WDR33: variants seen among roughly 807,000 people sequenced by gnomAD.
The protein encoded by WDR33 is WD repeat domain 33, also known as pre-mRNA 3' end processing protein WDR33.
In WDR33, 47 loss-of-function variants were observed where a neutral mutation model predicts 164.9. The ratio of observed to expected loss-of-function variants is 0.29; its 90% CI spans 0.23 to 0.36. WDR33 has a LOEUF of 0.36. Among genes scored for constraint, WDR33 ranks in the 10% least tolerant of loss-of-function variants. The pLI, the probability that WDR33 is intolerant of heterozygous loss-of-function variation, is 1.00. For synonymous variants in WDR33, 505 were observed against 589.0 expected, an observed-to-expected ratio of 0.86 and a Z score of 2.06; for missense variants, 1,137 against 1,754.1, an observed-to-expected ratio of 0.65 and a Z score of 6.28.
In WDR33 at chr2:127,709,370, C is replaced by T; in HGVS notation, c.3565+120G>A. The T allele has an allele frequency of 1.0e-6, 1 of 962,318 alleles. No individual in the cohort carries two copies. Among genetic ancestry groups the T allele is most frequent in the Non-Finnish European group, 1.6e-6 (1 of 618,332 alleles). The allele number at this position is 962,318 out of a possible 1,614,324, so 59.6% of individuals were successfully genotyped here. ...CTGCGGCTGCAGGACAGGAGACAGC[C>T]CAGCCCCCCGGGAGACATGAGCTGG... On this transcript the variant is annotated intron_variant, in intron 20 of 21. Transcript: ENST00000322313. This position sits in a 1 kb window ranked among gnomAD's most constrained non-coding sequence, Gnocchi z 5.0.
At chr2:127,765,064 G>A (rs565066436) in intron 5 of WDR33, 85 bp from the exon 6 acceptor site, 19 of 1,558,046 alleles carry the variant, frequency 1.2e-5, no homozygotes, top group African/African-American at 2.7e-5. Context: ...TAACTGACTC[G>A]AGGTAATAAT....
chr2:127,711,628 C>T (rs1686164956), intron 18 of WDR33, among the ~76,000 whole-genome samples: 1 of 149,458 alleles, frequency 6.7e-6, no homozygotes, highest in African/African-American at 2.5e-5. Context: ...CCCTATCTCC[C>T]CTCCCCCAAA....
intron 21 of WDR33, among the ~76,000 whole-genome samples, chr2:127,707,829 C>T (rs1686056351): frequency 6.6e-6 from 1 of 152,202 alleles, no homozygotes; most frequent in Admixed American, 6.5e-5. Flanking sequence ...GTGGCGCACA[C>T]CTGTAGTTCC....
Position 127,723,178 on chromosome 2 carries a change from T to A in WDR33, c.1291+75A>T. The A allele has an allele frequency of 6.8e-7, 1 of 1,472,006 alleles. No homozygotes were observed. Among genetic ancestry groups the A allele is most frequent in the Non-Finnish European group, 9.3e-7 (1 of 1,076,910 alleles). The allele number at this position is 1,472,006 out of a possible 1,614,324, so 91.2% of individuals were successfully genotyped here. On this transcript the variant is annotated intron_variant, in intron 12 of 21. Transcript: ENST00000322313. The surrounding 1 kb of genome is among the most constrained non-coding windows in gnomAD (Gnocchi z 5.9). Reference sequence around the variant, plus strand: ...CTATAAAATTAAAATTCATTTTGTATAATCTTCCCAACATCTAACACTTCT... The same window carrying A: ...CTATAAAATTAAAATTCATTTTGTAAAATCTTCCCAACATCTAACACTTCT...
At chr2:127,742,920 CAG>C (rs922390275) in intron 7 of WDR33, among the ~76,000 whole-genome samples, 11 of 147,136 alleles carry the variant, frequency 7.5e-5, no homozygotes, top group African/African-American at 2.7e-4. Flanking sequence ...AGAAAACATT[CAG>C]AGAGGAAAGT....
intron 1 of WDR33, among the ~76,000 whole-genome samples, chr2:127,781,376 A>G (rs565811614): frequency 6.6e-6 from 1 of 152,298 alleles, no homozygotes; most frequent in African/African-American, 2.4e-5. Flanking sequence ...ATAAACTGTT[A>G]ATATCTTGAT....
intron 1 of WDR33, among the ~76,000 whole-genome samples, chr2:127,796,658 G>A (rs918791762): frequency 6.6e-6 from 1 of 151,718 alleles, no homozygotes; most frequent in African/African-American, 2.4e-5. Flanking sequence ...TTCATTACAT[G>A]CTTTTTTATT....
intron 7 of WDR33, among the ~76,000 whole-genome samples, chr2:127,758,739 T>G (rs1010453479): frequency 6.6e-6 from 1 of 152,256 alleles, no homozygotes. Flanking sequence ...CTGCCAGTAG[T>G]TAAGTGATCT....
Position 127,701,573 on chromosome 2 carries a change from G to T in WDR33, c.*4750C>A. 7.3e-7 allele frequency: 1 copy of T among 1,364,962 alleles called. No homozygotes were observed. Among genetic ancestry groups the T allele is most frequent in the East Asian group, 3.0e-5 (1 of 33,232 alleles). 84.6% of individuals were successfully genotyped at this position (1,364,962 alleles called of 1,614,324 possible). A position where few individuals can be genotyped will look rare whatever the true frequency, so the allele number is the denominator to read the frequency against. ...AGCTGCAGGAGTACCTGGCGCAGGG[G>T]AAAGCTGGCGGCCCGGCGGCCGCGG... On this transcript the variant is annotated 3_prime_UTR_variant, in exon 22 of 22. Coordinates refer to ENST00000322313, the MANE Select transcript of WDR33 (RefSeq NM_018383.5).
chr2:127,706,894 C>T lies in WDR33; in HGVS notation c.3782-342G>A, dbSNP rs917475490. On this transcript the variant is annotated intron_variant, in intron 21 of 21. Transcript: ENST00000322313. The surrounding 1 kb of genome is among the most constrained non-coding windows in gnomAD (Gnocchi z 5.1). ...GCCATGGGAAGTGTATCTGCCTGCT[C>T]CCAGCCACCAGGGTATATTGAGGGA... Among the ~76,000 whole-genome samples, 8 of 152,332 alleles carry T rather than the reference C, an allele frequency of 5.3e-5. No individual in the cohort carries two copies. The highest frequency in any genetic ancestry group is 2.1e-4 in the South Asian group (1 of 4,830).
At chr2:127,727,140 C>T (rs1482890840) in intron 7 of WDR33, among the ~76,000 whole-genome samples, 1 of 152,210 alleles carries the variant, frequency 6.6e-6, no homozygotes, top group Non-Finnish European at 1.5e-5. Context: ...ATCCCTGTCA[C>T]TCACTTCAGT....
chr2:127,768,825 A>G (rs1055497078), intron 3 of WDR33, 108 bp downstream of exon 3: 4 of 687,012 alleles, frequency 5.8e-6, no homozygotes, highest in Non-Finnish European at 7.3e-6. Flanking sequence ...TTTAATTATA[A>G]AAATGTAAAA....
chr2:127,788,011 G>T, intron 1 of WDR33, among the ~76,000 whole-genome samples: 1 of 80,892 alleles, frequency 1.2e-5, no homozygotes, highest in Non-Finnish European at 2.4e-5. Flanking sequence ...GGCTGGCCGG[G>T]CGGGGGGGCT....
intron 1 of WDR33, among the ~76,000 whole-genome samples, chr2:127,805,709 C>T (rs763004815): frequency 9.9e-5 from 15 of 151,924 alleles, no homozygotes; most frequent in Non-Finnish European, 1.6e-4. Context: ...AGAAAAGGAA[C>T]GAAAGAAACA....
At chr2:127,746,981 A>G (rs1239025394) in intron 7 of WDR33, among the ~76,000 whole-genome samples, 1 of 152,242 alleles carries the variant, frequency 6.6e-6, no homozygotes, top group Non-Finnish European at 1.5e-5. Flanking sequence ...GATGTTATTT[A>G]AAAAAATGTA....
chr2:127,726,853 C>G lies in WDR33; in HGVS notation c.725-76G>C. The G allele has an allele frequency of 6.4e-7, 1 of 1,568,516 alleles. No homozygotes were observed. Among genetic ancestry groups the G allele is most frequent in the Non-Finnish European group, 8.7e-7 (1 of 1,153,560 alleles). The stretch of plus-strand genomic sequence containing the variant: ...GCAATTTAAACCAAAGTAGAGAAAC[C>G]TAGTAAATGTTTTGCTCTCAGTGCT... On this transcript the variant is annotated intron_variant, in intron 7 of 21. Coordinates refer to ENST00000322313, the MANE Select transcript of WDR33 (RefSeq NM_018383.5). The surrounding 1 kb of genome is among the most constrained non-coding windows in gnomAD (Gnocchi z 4.8).
chr2:127,775,630 G>A (rs1688162229), intron 1 of WDR33, among the ~76,000 whole-genome samples: 1 of 152,208 alleles, frequency 6.6e-6, no homozygotes, highest in Non-Finnish European at 1.5e-5. Context: ...TGAGGAAAAT[G>A]ACTGAAGTCA....
At chr2:127,775,250 G>A (rs1469087096) in intron 1 of WDR33, among the ~76,000 whole-genome samples, 5 of 152,126 alleles carry the variant, frequency 3.3e-5, no homozygotes, top group African/African-American at 9.7e-5. Context: ...GTGCAGTGGC[G>A]TGATCCCAGC....
intron 4 of WDR33, among the ~76,000 whole-genome samples, chr2:127,765,536 C>A (rs1213085025): frequency 6.6e-6 from 1 of 152,032 alleles, no homozygotes; most frequent in Non-Finnish European, 1.5e-5. Context: ...ATTACACACA[C>A]GTATGCATGC....
Sources: allele counts gnomAD v4.1 joint callset (sites outside exome capture counted in the v4.1 genomes callset), GRCh38; gene constraint gnomAD v4.1.1; non-coding constraint Gnocchi (gnomAD v3.1); transcripts MANE v1.5; gene names NCBI Gene and HGNC (gene_info 2026-07-23, HGNC 2026-07-21).